The following AP2A1 variants were observed in gnomAD, a reference collection of about 807,000 sequenced individuals.
The protein encoded by AP2A1 is AP-2 complex subunit alpha-1.
A neutral mutation model predicts 107.3 loss-of-function variants in AP2A1; 21 were observed. That is an observed-to-expected ratio of 0.20 (90% CI 0.14 to 0.28). The LOEUF is 0.28. Ranked by LOEUF, AP2A1 falls within the 10% of genes least tolerant of loss-of-function variation. The probability of loss-of-function intolerance (pLI) is 1.00; values close to 1 mark genes in which losing one functional copy is unlikely to be tolerated. For synonymous variants in AP2A1, 602 were observed against 564.8 expected, an observed-to-expected ratio of 1.07 and a Z score of -0.93; for missense variants, 873 against 1,307.7, an observed-to-expected ratio of 0.67 and a Z score of 5.13.
At chr19:49,773,147 C>T (rs938355739) in intron 1 of AP2A1, among the ~76,000 whole-genome samples, 2 of 152,008 alleles carry the variant, frequency 1.3e-5, no homozygotes, top group Non-Finnish European at 2.9e-5. Flanking sequence ...GCAAATTCTG[C>T]AGATAAGGAG....
chr19:49,787,346 T>G (rs2084751946), intron 4 of AP2A1, among the ~76,000 whole-genome samples: 15 of 106,860 alleles, frequency 1.4e-4, no homozygotes, highest in Middle Eastern at 4.7e-3. Context: ...TTGTTTTTTT[T>G]GTTTTTTGTT....
Position 49,807,020 on chromosome 19 carries a change from T to TCCCCCCCCCCCCCCC in AP2A1, c.*266_*267insCCCCCCCCCCCCCCC. On this transcript the variant is annotated 3_prime_UTR_variant, in exon 23 of 23. Transcript: ENST00000354293. ...AGGGGCCAGGGAAGTGGATGTCTCC[T>TCCCCCCCCCCCCCCC]CCCCTCCCACCCCACCCTGTTGTAG... 3 of 1,338,556 alleles carry TCCCCCCCCCCCCCCC rather than the reference T, an allele frequency of 2.2e-6. No individual in the cohort carries two copies. Among genetic ancestry groups the TCCCCCCCCCCCCCCC allele is most frequent in the Non-Finnish European group, 3.0e-6 (3 of 996,922 alleles). 82.9% of individuals were successfully genotyped at this position (1,338,556 alleles called of 1,614,324 possible).
In AP2A1 at chr19:49,781,736, AC is replaced by A; in HGVS notation, c.68-18del. On this transcript the variant is annotated intron_variant, in intron 1 of 22. Coordinates refer to ENST00000354293, the MANE Select transcript of AP2A1 (RefSeq NM_130787.3). ...TGACTCCCCAGACCCCTCACTGCCTACCCTCCTCCTCCTCTCCCAGGTAAGA... is the reference window on the plus strand; with the variant it reads ...TGACTCCCCAGACCCCTCACTGCCTACCTCCTCCTCCTCTCCCAGGTAAGA... 1.3e-6 allele frequency: 2 copies of A among 1,572,748 alleles called. No homozygotes were observed.
At chr19:49,795,002 C>T (rs529329106) in intron 6 of AP2A1, among the ~76,000 whole-genome samples, 11 of 152,336 alleles carry the variant, frequency 7.2e-5, no homozygotes, top group East Asian at 5.8e-4. Context: ...GCCTCTTCCC[C>T]GAACCTCTTC....
intron 17 of AP2A1, 47 bp from the exon 18 acceptor site, chr19:49,803,240 G>T: frequency 6.2e-7 from 1 of 1,613,462 alleles, no homozygotes; most frequent in South Asian, 1.1e-5. Flanking sequence ...CTTGGGGAAG[G>T]GGTCAGAGGG....
chr19:49,768,937 G>A (rs2123654674), intron 1 of AP2A1, among the ~76,000 whole-genome samples: 1 of 152,200 alleles, frequency 6.6e-6, no homozygotes, highest in East Asian at 1.9e-4. Flanking sequence ...TAGGTACTGG[G>A]GTGACAATAG....
intron 1 of AP2A1, among the ~76,000 whole-genome samples, chr19:49,767,790 G>A (rs1415263120): frequency 6.6e-6 from 1 of 152,014 alleles, no homozygotes; most frequent in Non-Finnish European, 1.5e-5. Flanking sequence ...GGGAGATGAT[G>A]GGACGGGGAG....
Position 49,806,865 on chromosome 19 carries a change from G to A in AP2A1, c.*107G>A, listed in dbSNP as rs779108819. The A allele has an allele frequency of 4.4e-6, 7 of 1,577,086 alleles. No individual in the cohort carries two copies. The East Asian group carries it at 1.6e-4, about 37-fold the overall frequency. Reference sequence around the variant, plus strand: ...CACTGGTGACAGAGAAGACACCAGGGTTTGGGGGATGCCTGGGACTTTCCT... The same window carrying A: ...CACTGGTGACAGAGAAGACACCAGGATTTGGGGGATGCCTGGGACTTTCCT... On this transcript the variant is annotated 3_prime_UTR_variant, in exon 23 of 23. Coordinates refer to ENST00000354293, the MANE Select transcript of AP2A1 (RefSeq NM_130787.3).
intron 1 of AP2A1, among the ~76,000 whole-genome samples, chr19:49,773,649 T>G (rs777396175): frequency 6.6e-6 from 1 of 152,116 alleles, no homozygotes; most frequent in African/African-American, 2.4e-5. Context: ...GGTGAATATT[T>G]TGGGGGCCGG....
Position 49,782,717 on chromosome 19 carries a change from G to T in AP2A1, c.466G>T (p.Val156Leu). The T allele has an allele frequency of 6.2e-7, 1 of 1,601,916 alleles. No individual in the cohort carries two copies. Residue 156 changes from valine (V) to leucine (L), a missense_variant, in exon 4 of 23, where the codon GTG becomes TTG. Transcript: ENST00000354293. ...AFAADIPRIL[V>L]AGDSMDSVKQ... is the part of the protein sequence containing the mutation. ...TGCCGCTGACATCCCCCGCATCCTGGTGGCCGGGTAAGGCACTGGGGACCC... is the reference window on the plus strand; with the variant it reads ...TGCCGCTGACATCCCCCGCATCCTGTTGGCCGGGTAAGGCACTGGGGACCC...
At chr19:49,795,517 A>AT in intron 6 of AP2A1, 113 bp from the exon 7 acceptor site, 1 of 721,604 alleles carries the variant, frequency 1.4e-6, no homozygotes, top group South Asian at 1.6e-5. Context: ...TAACAAAACC[A>AT]TTAACACTGA....
chr19:49,805,367 G>T, intron 18 of AP2A1, 86 bp from the exon 19 acceptor site: 2 of 1,411,180 alleles, frequency 1.4e-6, no homozygotes, highest in Non-Finnish European at 1.9e-6. Context: ...CTGCAGGCGG[G>T]AGCTGCCGGG....
At chr19:49,776,315 G>T (rs1404146496) in intron 1 of AP2A1, among the ~76,000 whole-genome samples, 7 of 152,168 alleles carry the variant, frequency 4.6e-5, no homozygotes, top group African/African-American at 1.7e-4. Flanking sequence ...CCTGGAGCGC[G>T]CCTCCCCTTG....
In AP2A1 at chr19:49,805,918, G is replaced by A; in HGVS notation, c.2632G>A (p.Asp878Asn). Residue 878 changes from aspartate to asparagine, a missense_variant, in exon 21 of 23, where the codon GAC (aspartate) becomes AAC (asparagine). Physicochemically the swap from Asp to Asn is conservative, Grantham distance 23. Transcript: ENST00000354293. ...QKIFKANHPM[D>N]AEVTKAKLLG... ...AATCTTCAAAGCCAACCACCCCATGGACGCAGAAGTTACTAAGGCCAAGGT... is the reference window on the plus strand; with the variant it reads ...AATCTTCAAAGCCAACCACCCCATGAACGCAGAAGTTACTAAGGCCAAGGT... 1 of 1,613,886 alleles carries A rather than the reference G, an allele frequency of 6.2e-7. No individual in the cohort carries two copies. Among genetic ancestry groups the A allele is most frequent in the Non-Finnish European group, 8.5e-7 (1 of 1,179,898 alleles).
rs371602556 is a variant in AP2A1 at position 49,802,489 on chromosome 19, G to T, written c.2114+348G>T. 22 of 1,592,212 alleles carry T rather than the reference G, an allele frequency of 1.4e-5. No homozygotes were observed. In the African/African-American group the frequency reaches 1.9e-4, roughly 14 times the overall value. On this transcript the variant is annotated intron_variant, in intron 15 of 22. Transcript: ENST00000354293. ...GCTGCCTATGTGGAATTGGCTGCCTGCCACGCCTGTCTTCTCTTGTCTGCT... is the reference window on the plus strand; with the variant it reads ...GCTGCCTATGTGGAATTGGCTGCCTTCCACGCCTGTCTTCTCTTGTCTGCT...
chr19:49,780,653 C>T lies in AP2A1; in HGVS notation c.68-1104C>T, dbSNP rs959727629. 1.8e-4 allele frequency among the ~76,000 whole-genome samples: 28 copies of T among 152,192 alleles called. No individual in the cohort carries two copies. The Middle Eastern group carries it at 0.01, about 55-fold the overall frequency. On this transcript the variant is annotated intron_variant, in intron 1 of 22. Transcript: ENST00000354293. ...AGGCTGCTTCACTGACCTGAGCGAG[C>T]GAGCATGGGATCTGGATGAAGTGGT...
At chr19:49,802,790 A>G (rs1246120244) in intron 15 of AP2A1, 159 bp from the exon 16 acceptor site, 3 of 1,021,818 alleles carry the variant, frequency 2.9e-6, no homozygotes, top group Admixed American at 2.3e-5. Flanking sequence ...ATTGGAGGCC[A>G]CTGCTGGATG....
At position 49,798,937 on chromosome 19, in the gene AP2A1, TCATC is replaced by T; in HGVS notation, c.953_956del (p.Ile318ThrfsTer108). Reference sequence around the variant, plus strand: ...ATCCTCTTCGAGACCATCAGCCTCATCATCCACTATGACAGGTGCCCGCCTGGGC... The same window carrying T: ...ATCCTCTTCGAGACCATCAGCCTCATCACTATGACAGGTGCCCGCCTGGGC... On this transcript the variant is annotated frameshift_variant, in exon 8 of 23. Coordinates refer to ENST00000354293, the MANE Select transcript of AP2A1 (RefSeq NM_130787.3). LOFTEE classifies it high-confidence loss of function. 6.4e-7 allele frequency: 1 copy of T among 1,552,816 alleles called. No individual in the cohort carries two copies. Among genetic ancestry groups the T allele is most frequent in the Non-Finnish European group, 8.7e-7 (1 of 1,147,624 alleles).
At chr19:49,791,465 G>A (rs921043338) in intron 4 of AP2A1, among the ~76,000 whole-genome samples, 2 of 152,076 alleles carry the variant, frequency 1.3e-5, no homozygotes, top group Non-Finnish European at 1.5e-5. Flanking sequence ...GGCCTCAAGT[G>A]ATCCTCCCAC....
Sources: allele counts gnomAD v4.1 joint callset (sites outside exome capture counted in the v4.1 genomes callset), GRCh38; gene constraint gnomAD v4.1.1; transcripts MANE v1.5; gene names NCBI Gene and HGNC (gene_info 2026-07-23, HGNC 2026-07-21).